Variants in DCAF8 observed in about 807,000 individuals in gnomAD.
The protein encoded by DCAF8 is DDB1 and CUL4 associated factor 8.
Under a neutral mutation model 68.0 loss-of-function variants are expected in DCAF8, and 20 were observed. The observed-to-expected ratio is 0.29, with a 90% CI of 0.21 to 0.43. The LOEUF is 0.43. Among genes scored for constraint, DCAF8 ranks in the 20% least tolerant of loss-of-function variants. DCAF8 has a pLI of 1.00. For synonymous variants in DCAF8, 230 were observed against 276.9 expected (o/e 0.83, Z 1.68); for missense variants, 460 against 771.0 (o/e 0.60, Z 4.78).
intron 8 of DCAF8, 132 bp downstream of exon 8, chr1:160,225,459 G>T: frequency 1.4e-6 from 1 of 694,952 alleles, no homozygotes; most frequent in Non-Finnish European, 2.5e-6. Context: ...GCTGGTAAGT[G>T]GTAAAGCCAG....
intron 6 of DCAF8, among the ~76,000 whole-genome samples, chr1:160,236,301 C>G (rs902129391): frequency 2.0e-5 from 3 of 150,576 alleles, no homozygotes; most frequent in African/African-American, 7.4e-5. Flanking sequence ...TATATATATA[C>G]ATACATATAT....
chr1:160,257,566 T>C (rs1377795702), intron 2 of DCAF8, among the ~76,000 whole-genome samples: 1 of 152,238 alleles, frequency 6.6e-6, no homozygotes, highest in Non-Finnish European at 1.5e-5. Context: ...TGCGCTTCTA[T>C]ACAATGTCTC....
At chr1:160,250,886 C>T (rs1235096424) in intron 2 of DCAF8, among the ~76,000 whole-genome samples, 1 of 151,834 alleles carries the variant, frequency 6.6e-6, no homozygotes, top group Non-Finnish European at 1.5e-5. Context: ...ATTTTAAATC[C>T]TCTGGTGCCT....
rs1428623735 is a variant in DCAF8 at position 160,224,507 on chromosome 1, T to C, written c.1244A>G (p.Asn415Ser). 1.4e-5 allele frequency: 22 copies of C among 1,613,732 alleles called. No homozygotes were observed. The highest frequency in any genetic ancestry group is 1.7e-5 in the Non-Finnish European group (20 of 1,179,938). ...CTGGGCCCCATCACTGTGAGAGGAG[T>C]TGAAGAGGTAAATGTCTTCATCATT... ...SYNDEDIYLF[N>S]SSHSDGAQYV... Residue 415 changes from asparagine to serine, a missense_variant, in exon 10 of 14, where the codon AAC becomes AGC. By Grantham distance (46) the Asn-to-Ser change is conservative. This residue lies in a region of DCAF8 where 16 missense variants were observed against 17.3 expected (regional missense o/e 0.93). Coordinates refer to ENST00000368074, the MANE Select transcript of DCAF8 (RefSeq NM_015726.4).
At chr1:160,235,461 C>T (rs763298738) in intron 6 of DCAF8, among the ~76,000 whole-genome samples, 5 of 151,830 alleles carry the variant, frequency 3.3e-5, no homozygotes, top group South Asian at 2.1e-4. Flanking sequence ...AGACAATAAA[C>T]GATCTAGATA....
intron 7 of DCAF8, among the ~76,000 whole-genome samples, chr1:160,227,522 G>A (rs924125751): frequency 6.6e-6 from 1 of 152,160 alleles, no homozygotes; most frequent in Non-Finnish European, 1.5e-5. Flanking sequence ...CTCCCAAAGT[G>A]CTGGGATTAC....
At position 160,231,305 on chromosome 1, in the gene DCAF8, C is replaced by T; in HGVS notation, c.1062G>A (p.Gln354=). The part of the protein sequence containing the change: ...THQFAVGGRD[Q]FVRIYDQRKI... ...AAGAGCCACAAACTCACCTTACAAACTGATCTCGTCCACCCACTGCAAACT... is the reference window on the plus strand; with the variant it reads ...AAGAGCCACAAACTCACCTTACAAATTGATCTCGTCCACCCACTGCAAACT... Residue 354 remains glutamine, a synonymous_variant, in exon 7 of 14, where the codon CAG becomes CAA. Transcript: ENST00000368074. The T allele has an allele frequency of 1.2e-6, 2 of 1,613,192 alleles. No individual in the cohort carries two copies. The highest frequency in any genetic ancestry group is 8.5e-7 in the Non-Finnish European group (1 of 1,179,148).
chr1:160,220,756 A>C, intron 11 of DCAF8: 1 of 152,222 alleles, frequency 6.6e-6, no homozygotes. Flanking sequence ...GGCAAGGCAG[A>C]AAATAACTTC....
At chr1:160,249,072 C>T (rs1467119233) in intron 2 of DCAF8, among the ~76,000 whole-genome samples, 1 of 151,916 alleles carries the variant, frequency 6.6e-6, no homozygotes, top group Non-Finnish European at 1.5e-5. Context: ...TGCCTGTAGT[C>T]CCAGCTACTG....
chr1:160,243,142 A>G (rs530823894), intron 3 of DCAF8, among the ~76,000 whole-genome samples: 1 of 152,280 alleles, frequency 6.6e-6, no homozygotes, highest in African/African-American at 2.4e-5. Context: ...TCTCTAATTT[A>G]AAAGTTGGCT....
chr1:160,239,894 C>A lies in DCAF8; in HGVS notation c.526G>T (p.Ala176Ser), dbSNP rs763743862. 8 of 1,614,130 alleles carry A rather than the reference C, an allele frequency of 5.0e-6. No individual in the cohort carries two copies. The Admixed American group carries it at 1.0e-4, about 20-fold the overall frequency. ...CGGAAACGCTGCACAAAGACTCTTG[C>A]CCCACAGGCCTCATAGACAAAGCGG... ...SARFVYEACG[A>S]RVFVQRFRLQ... is the part of the protein sequence containing the mutation. Residue 176 changes from alanine (A) to serine (S), a missense_variant, in exon 4 of 14, where the codon GCA (alanine) becomes TCA (serine). Coordinates refer to ENST00000368074, the MANE Select transcript of DCAF8 (RefSeq NM_015726.4).
intron 8 of DCAF8, 45 bp downstream of exon 8, chr1:160,225,544 GGT>G: frequency 6.8e-7 from 1 of 1,462,202 alleles, no homozygotes; most frequent in Non-Finnish European, 9.6e-7. Context: ...GCAGCCTTGG[GGT>G]TGAGTCAGGG....
At chr1:160,218,995 A>G in intron 11 of DCAF8, 27 bp from the exon 12 acceptor site, 1 of 1,613,468 alleles carries the variant, frequency 6.2e-7, no homozygotes, top group Non-Finnish European at 8.5e-7. Context: ...GAAAACACAG[A>G]CTCAGCAGTG....
intron 7 of DCAF8, among the ~76,000 whole-genome samples, chr1:160,227,268 G>A (rs1655508388): frequency 6.6e-6 from 1 of 152,192 alleles, no homozygotes; most frequent in Admixed American, 6.5e-5. Flanking sequence ...CAGGGAAGGA[G>A]TAATAATGTC....
chr1:160,260,984 A>G lies in DCAF8; in HGVS notation c.-27+301T>C, dbSNP rs576729897. ...CAACGTAAAAAATATGATCGACACA[A>G]AGACAAAATACAAGGAAAATGAATA... On this transcript the variant is annotated intron_variant, in intron 2 of 13. Transcript: ENST00000368074. 5.9e-5 allele frequency among the ~76,000 whole-genome samples: 9 copies of G among 152,334 alleles called. No individual in the cohort carries two copies. The East Asian group carries it at 7.7e-4, about 13-fold the overall frequency.
chr1:160,237,494 A>T (rs909724983), intron 5 of DCAF8, among the ~76,000 whole-genome samples: 2 of 152,228 alleles, frequency 1.3e-5, no homozygotes, highest in Non-Finnish European at 2.9e-5. Context: ...AGAGATATGA[A>T]CAGATAGCAA....
At chr1:160,236,560 A>G (rs1363522369) in intron 6 of DCAF8, among the ~76,000 whole-genome samples, 2 of 152,288 alleles carry the variant, frequency 1.3e-5, no homozygotes, top group East Asian at 1.9e-4. Context: ...TATGTAAGTC[A>G]TAACTAGTAG....
chr1:160,221,972 A>G (rs997292993), intron 11 of DCAF8, among the ~76,000 whole-genome samples: 1 of 152,188 alleles, frequency 6.6e-6, no homozygotes, highest in Non-Finnish European at 1.5e-5. Context: ...TGATACGATC[A>G]TGGGTTATAC....
chr1:160,238,831 A>G, intron 4 of DCAF8, 84 bp from the exon 5 acceptor site: 1 of 1,329,870 alleles, frequency 7.5e-7, no homozygotes, highest in Admixed American at 2.8e-5. Flanking sequence ...TGATGACCTC[A>G]ACTTACCCCC....
Sources: allele counts gnomAD v4.1 joint callset (sites outside exome capture counted in the v4.1 genomes callset), GRCh38; gene constraint gnomAD v4.1.1; regional missense constraint gnomAD v4.1.1; transcripts MANE v1.5; gene names NCBI Gene and HGNC (gene_info 2026-07-23, HGNC 2026-07-21).